NCALD: variants seen among roughly 807,000 people sequenced by gnomAD.
NCALD encodes neurocalcin-delta.
Under a neutral mutation model 18.6 loss-of-function variants are expected in NCALD, and 10 were observed. The observed-to-expected ratio is 0.54, with a 90% CI of 0.33 to 0.91. NCALD has a LOEUF of 0.91. Ranked by LOEUF, NCALD falls within the 40% of genes least tolerant of loss-of-function variation. The probability of loss-of-function intolerance (pLI) is 0.03; values close to 1 mark genes in which losing one functional copy is unlikely to be tolerated. For synonymous variants in NCALD, 88 were observed against 87.4 expected (o/e 1.01, Z -0.04); for missense variants, 184 against 247.6 (o/e 0.74, Z 1.72).
chr8:102,110,871 G>A (rs1322074714), intron 1 of NCALD, among the ~76,000 whole-genome samples: 1 of 151,906 alleles, frequency 6.6e-6, no homozygotes, highest in Admixed American at 6.6e-5. Context: ...GTAAACTGAG[G>A]TATAATCCAT....
At position 101,872,406 on chromosome 8, in the gene NCALD, G is replaced by A. The variant is rs539398774; in HGVS notation, c.-20+14735C>T. ...CCAGCTCTTCCAAAGTCATATCTTC[G>A]TATGTTGTCACCACTGACTGCTGAA... On this transcript the variant is annotated intron_variant, in intron 4 of 6. Coordinates refer to the NCALD transcript ENST00000311028. The A allele has an allele frequency of 2.7e-5, 38 of 1,422,320 alleles. No homozygotes were observed. The South Asian group carries it at 3.0e-4, about 11-fold the overall frequency. The allele number at this position is 1,422,320 out of a possible 1,614,324, so 88.1% of individuals were successfully genotyped here.
intron 2 of NCALD, among the ~76,000 whole-genome samples, chr8:101,978,675 GT>G (rs1820512474): frequency 6.6e-6 from 1 of 152,074 alleles, no homozygotes; most frequent in Admixed American, 6.5e-5. Flanking sequence ...TGAGGACACT[GT>G]TTTTATAGTA....
intron 4 of NCALD, among the ~76,000 whole-genome samples, chr8:101,874,568 C>G (rs918764674): frequency 6.6e-6 from 1 of 152,098 alleles, no homozygotes; most frequent in African/African-American, 2.4e-5. Flanking sequence ...GACAGGGTCT[C>G]CCTCTGTTGC....
intron 1 of NCALD, among the ~76,000 whole-genome samples, chr8:101,727,082 T>C (rs987836201): frequency 6.6e-6 from 1 of 152,198 alleles, no homozygotes; most frequent in Non-Finnish European, 1.5e-5. Flanking sequence ...AAGGTCTCAA[T>C]ATAACGAAAC....
chr8:101,972,923 G>A (rs1820294070), intron 2 of NCALD, among the ~76,000 whole-genome samples: 2 of 152,148 alleles, frequency 1.3e-5, no homozygotes, highest in Admixed American at 1.3e-4. Flanking sequence ...GCAGTGGGAA[G>A]AGACAGTTGT....
At chr8:102,035,272 C>T (rs1045782222) in intron 1 of NCALD, among the ~76,000 whole-genome samples, 5 of 152,144 alleles carry the variant, frequency 3.3e-5, no homozygotes, top group Non-Finnish European at 7.4e-5. Flanking sequence ...CCTGTAATAA[C>T]AAAGCTCTTC....
chr8:101,690,688 G>T (rs1256858062), intron 3 of NCALD: 2 of 985,340 alleles, frequency 2.0e-6, no homozygotes, highest in African/African-American at 3.5e-5. Context: ...GAAAAAGATA[G>T]GGATGCATTT....
chr8:102,045,429 C>T lies in NCALD; in HGVS notation c.-209-25140G>A, dbSNP rs577485661. Among the ~76,000 whole-genome samples, 15 of 152,252 alleles carry T rather than the reference C, an allele frequency of 9.9e-5. No homozygotes were observed. The South Asian group carries it at 2.9e-3, about 29-fold the overall frequency. Reference sequence around the variant, plus strand: ...CTTATGAAAATGAAATTAGAAAACGCTTACATTTTATTCTTTATTACATAA... The same window carrying T: ...CTTATGAAAATGAAATTAGAAAACGTTTACATTTTATTCTTTATTACATAA... On this transcript the variant is annotated intron_variant, in intron 1 of 6. Transcript: ENST00000311028.
At chr8:101,726,375 G>A (rs974177820) in intron 1 of NCALD, among the ~76,000 whole-genome samples, 5 of 152,158 alleles carry the variant, frequency 3.3e-5, no homozygotes, top group Non-Finnish European at 5.9e-5. Context: ...AATGATCCAG[G>A]CAAGAGGTGA....
At chr8:102,099,877 C>T (rs1440735078) in intron 1 of NCALD, among the ~76,000 whole-genome samples, 4 of 151,370 alleles carry the variant, frequency 2.6e-5, no homozygotes, top group Non-Finnish European at 4.4e-5. Flanking sequence ...GAGGCTGAGA[C>T]AGGAGAATCA....
chr8:102,124,687 A>AG (rs558625643), upstream of NCALD: 8 of 152,330 alleles, frequency 5.3e-5, no homozygotes, highest in East Asian at 1.2e-3. Context: ...CTTCGATTTG[A>AG]GGGGGGGTCT....
At chr8:102,005,072 T>C (rs1215655117) in intron 2 of NCALD, among the ~76,000 whole-genome samples, 1 of 151,964 alleles carries the variant, frequency 6.6e-6, no homozygotes, top group African/African-American at 2.4e-5. Context: ...GCCAAAGAAA[T>C]TACCATCAGA....
At chr8:101,712,745 T>C (rs1815869435) in intron 2 of NCALD, among the ~76,000 whole-genome samples, 1 of 152,242 alleles carries the variant, frequency 6.6e-6, no homozygotes, top group East Asian at 1.9e-4. Context: ...TAAATATATA[T>C]GCACCCAATA....
Position 101,831,250 on chromosome 8 carries a change from C to A in NCALD, c.-20+55891G>T, listed in dbSNP as rs1814173995. Among the ~76,000 whole-genome samples, 8 of 152,122 alleles carry A rather than the reference C, an allele frequency of 5.3e-5. No homozygotes were observed. In the South Asian group the frequency reaches 1.7e-3, roughly 32 times the overall value. ...TAGCATGAACCCTGGGCTGTCTGGGCTAATGAGAGGGAAATTCCTCCTAAG... is the reference window on the plus strand; with the variant it reads ...TAGCATGAACCCTGGGCTGTCTGGGATAATGAGAGGGAAATTCCTCCTAAG... On this transcript the variant is annotated intron_variant, in intron 4 of 6. Transcript: ENST00000311028.
intron 3 of NCALD, chr8:101,915,442 G>C (rs888785556): frequency 1.3e-5 from 2 of 152,158 alleles, no homozygotes; most frequent in Admixed American, 6.5e-5. Context: ...CTTGGAATAT[G>C]ACCCAATTTA....
intron 1 of NCALD, among the ~76,000 whole-genome samples, chr8:101,748,137 A>G (rs1165054040): frequency 6.6e-6 from 1 of 152,234 alleles, no homozygotes; most frequent in South Asian, 2.1e-4. Context: ...TTCAGAAAAT[A>G]TCCCAAAGGC....
intron 1 of NCALD, among the ~76,000 whole-genome samples, chr8:102,065,300 G>A (rs1251414083): frequency 6.6e-6 from 1 of 151,106 alleles, no homozygotes; most frequent in Non-Finnish European, 1.5e-5. Flanking sequence ...TGCTCCATAC[G>A]CAGGCGCCAC....
chr8:101,843,689 G>T (rs544013335), intron 4 of NCALD, among the ~76,000 whole-genome samples: 1 of 148,550 alleles, frequency 6.7e-6, no homozygotes, highest in Admixed American at 6.9e-5. Flanking sequence ...CCATTCCTGT[G>T]TCTCAGCCTC....
chr8:101,858,290 T>C (rs1815401402), intron 4 of NCALD, among the ~76,000 whole-genome samples: 1 of 152,108 alleles, frequency 6.6e-6, no homozygotes. Flanking sequence ...AAATTAACCA[T>C]CTGCAGCGAT....
Sources: gnomAD v4.1 joint callset for allele counts (sites outside exome capture counted in the v4.1 genomes callset) on GRCh38, gnomAD v4.1.1 for gene constraint, MANE v1.5 for transcripts, NCBI Gene and HGNC (gene_info 2026-07-23, HGNC 2026-07-21) for gene names.